Variants in LITAF observed in about 807,000 individuals in gnomAD.
The protein encoded by LITAF is lipopolysaccharide-induced tumor necrosis factor-alpha factor.
LITAF carries 9 observed loss-of-function variants against 14.5 expected under a neutral mutation model. That is an observed-to-expected ratio of 0.62 (90% CI 0.37 to 1.08). The LOEUF (loss-of-function observed/expected upper bound fraction) is 1.08. LITAF is among the 50% of genes least tolerant of loss of function. The pLI, the probability that LITAF is intolerant of heterozygous loss-of-function variation, is 0.01. For missense variants in LITAF, 206 were observed against 213.4 expected, an observed-to-expected ratio of 0.97 and a Z score of 0.22; for synonymous variants, 98 against 88.2, an observed-to-expected ratio of 1.11 and a Z score of -0.62.
At chr16:11,573,228 C>G (rs1043593096) in intron 1 of LITAF, among the ~76,000 whole-genome samples, 2 of 152,060 alleles carry the variant, frequency 1.3e-5, no homozygotes, top group Non-Finnish European at 2.9e-5. Context: ...CTGCACCCGG[C>G]CATAAAAGAT....
chr16:11,638,016 ATATATATC>A (rs1205586244), upstream of LITAF, among the ~76,000 whole-genome samples: 228 of 103,900 alleles, frequency 2.2e-3, 20 homozygotes, highest in East Asian at 0.014. Context: ...ATATATATCT[ATATATATC>A]TATATATCTA....
rs1033509534 is a variant in LITAF at position 11,632,275 on chromosome 16, G to A, written c.85+1258C>T. On this transcript the variant is annotated intron_variant, in intron 3 of 3. Coordinates refer to the LITAF transcript ENST00000574848. The surrounding 1 kb of genome is among the most constrained non-coding windows in gnomAD (Gnocchi z 4.8). ...TTATCAAGTAACTACAGCTGCCGTG[G>A]GGAACAGGATTAGGCAATCCGCTGG... is the stretch of plus-strand genomic sequence containing the variant. Among the ~76,000 whole-genome samples the A allele has an allele frequency of 3.9e-5, 6 of 152,112 alleles. No individual in the cohort carries two copies. The highest frequency in any genetic ancestry group is 1.2e-4 in the African/African-American group (5 of 41,434).
chr16:11,617,269 T>C (rs1400061004), intron 3 of LITAF, among the ~76,000 whole-genome samples: 1 of 151,874 alleles, frequency 6.6e-6, no homozygotes, highest in East Asian at 1.9e-4. Flanking sequence ...ATTGCTAAAA[T>C]CCATCAGTCC....
At chr16:11,599,713 G>T (rs1251657322), upstream of LITAF, among the ~76,000 whole-genome samples, 1 of 152,010 alleles carries the variant, frequency 6.6e-6, no homozygotes, top group African/African-American at 2.4e-5. Context: ...TCTCTTCTCT[G>T]CCCCTCACCT....
chr16:11,556,693 G>C lies in LITAF; in HGVS notation c.38C>G (p.Pro13Arg), dbSNP rs1352757910. ...VPGPYQAATG[P>R]SSAPSAPPSY... ...TGGAGGTGCGGATGGTGCTGAGGAA[G>C]GCCCAGTGGCCGCCTGGTAAGGTCC... The change falls in exon 2 of 4, where the codon CCT becomes CGT. Residue 13 changes from proline (P) to arginine (R), a missense_variant. Coordinates refer to ENST00000622633, the MANE Select transcript of LITAF (RefSeq NM_001136472.2). 1.9e-6 allele frequency: 3 copies of C among 1,614,054 alleles called. No individual in the cohort carries two copies. The East Asian group carries it at 6.7e-5, about 36-fold the overall frequency.
At chr16:11,608,964 A>G (rs1188426048) in intron 3 of LITAF, among the ~76,000 whole-genome samples, 2 of 84,118 alleles carry the variant, frequency 2.4e-5, no homozygotes, top group East Asian at 9.6e-4. Context: ...CACACAAAAA[A>G]AACAAAACAA....
intron 3 of LITAF, among the ~76,000 whole-genome samples, chr16:11,607,792 A>G (rs2064962210): frequency 6.6e-6 from 1 of 152,178 alleles, no homozygotes; most frequent in Admixed American, 6.5e-5. Flanking sequence ...CAGGTCATTC[A>G]TTGTTATGGG....
chr16:11,607,454 G>C (rs955598675), intron 3 of LITAF, among the ~76,000 whole-genome samples: 3 of 151,920 alleles, frequency 2.0e-5, no homozygotes, highest in Non-Finnish European at 4.4e-5. Flanking sequence ...AAATTAATTG[G>C]TTCTCTTTTT....
chr16:11,575,904 G>A (rs978132718), intron 1 of LITAF, among the ~76,000 whole-genome samples: 11 of 151,846 alleles, frequency 7.2e-5, no homozygotes, highest in African/African-American at 2.7e-4. Context: ...TTTTACAATC[G>A]GGGTCTCGCT....
At chr16:11,562,805 G>A (rs1212030636) in intron 1 of LITAF, among the ~76,000 whole-genome samples, 1 of 152,026 alleles carries the variant, frequency 6.6e-6, no homozygotes, top group Non-Finnish European at 1.5e-5. Flanking sequence ...GCTAAGGTAG[G>A]AGGATCACTT....
At chr16:11,570,445 G>A (rs781147363) in intron 1 of LITAF, among the ~76,000 whole-genome samples, 2 of 152,126 alleles carry the variant, frequency 1.3e-5, no homozygotes, top group Non-Finnish European at 2.9e-5. Flanking sequence ...TACCTCCACG[G>A]CTTCACAGGT....
chr16:11,638,202 C>T (rs67082358), upstream of LITAF, among the ~76,000 whole-genome samples: 50,166 of 144,744 alleles, frequency 0.35, 10,520 homozygotes, highest in African/African-American at 0.58. Flanking sequence ...ACATCACCTC[C>T]TGGCCTCAGT....
upstream of LITAF, among the ~76,000 whole-genome samples, chr16:11,602,596 C>A (rs541357888): frequency 6.6e-6 from 1 of 152,202 alleles, no homozygotes; most frequent in Admixed American, 6.5e-5. Context: ...GACGAGCCAC[C>A]TTTCTTTGTA....
At chr16:11,621,570 C>G (rs954645187) in intron 3 of LITAF, among the ~76,000 whole-genome samples, 3 of 152,162 alleles carry the variant, frequency 2.0e-5, no homozygotes, top group Non-Finnish European at 4.4e-5. Context: ...GTATTAACCC[C>G]CCTCAGAAGC....
At chr16:11,624,381 T>C (rs573414379) in intron 3 of LITAF, among the ~76,000 whole-genome samples, 6 of 152,294 alleles carry the variant, frequency 3.9e-5, no homozygotes, top group South Asian at 2.1e-4. Flanking sequence ...TCAATCTCTA[T>C]GGTTACAGCA....
At chr16:11,570,343 C>G (rs2064522597) in intron 1 of LITAF, among the ~76,000 whole-genome samples, 1 of 152,170 alleles carries the variant, frequency 6.6e-6, no homozygotes, top group South Asian at 2.1e-4. Flanking sequence ...GAGGGGGTGA[C>G]TTTCCCACAG....
upstream of LITAF, among the ~76,000 whole-genome samples, chr16:11,589,126 A>G (rs2064833949): frequency 6.6e-6 from 1 of 152,218 alleles, no homozygotes; most frequent in Non-Finnish European, 1.5e-5. Flanking sequence ...TTGATCCCCA[A>G]AAAACCACAG....
rs1206433016 is a variant in LITAF at position 11,634,075 on chromosome 16, C to G, written c.-20-438G>C. On this transcript the variant is annotated intron_variant, in intron 2 of 3. Transcript: ENST00000574848. This position sits in a 1 kb window ranked among gnomAD's most constrained non-coding sequence, Gnocchi z 4.1. ...AGAGGGACATACAGAACCTCAACAA[C>G]TCACATGCAAATGGACACACAGACA... Among the ~76,000 whole-genome samples the G allele has an allele frequency of 6.6e-6, 1 of 152,232 alleles. No homozygotes were observed. Among genetic ancestry groups the G allele is most frequent in the Non-Finnish European group, 1.5e-5 (1 of 68,046 alleles).
At chr16:11,570,322 T>C (rs2064522113) in intron 1 of LITAF, among the ~76,000 whole-genome samples, 1 of 151,816 alleles carries the variant, frequency 6.6e-6, no homozygotes. Context: ...CAGAGGAGAG[T>C]AAAACCCAGG....
Sources: allele counts gnomAD v4.1 joint callset (sites outside exome capture counted in the v4.1 genomes callset), GRCh38; gene constraint gnomAD v4.1.1; non-coding constraint Gnocchi (gnomAD v3.1); transcripts MANE v1.5; gene names NCBI Gene and HGNC (gene_info 2026-07-23, HGNC 2026-07-21).